COL8A1: variants seen among roughly 807,000 people sequenced by gnomAD.
COL8A1 encodes collagen alpha-1(VIII) chain.
A neutral mutation model predicts 42.7 loss-of-function variants in COL8A1; 21 were observed. The observed-to-expected ratio is 0.49, with a 90% CI of 0.35 to 0.71. The LOEUF (loss-of-function observed/expected upper bound fraction) is 0.71. Ranked by LOEUF, COL8A1 falls within the 30% of genes least tolerant of loss-of-function variation. The probability of loss-of-function intolerance (pLI) is 0.01; values close to 1 mark genes in which losing one functional copy is unlikely to be tolerated. For synonymous variants in COL8A1, 367 were observed against 369.1 expected, an observed-to-expected ratio of 0.99 and a Z score of 0.06; for missense variants, 788 against 962.4, an observed-to-expected ratio of 0.82 and a Z score of 2.40.
intron 1 of COL8A1, among the ~76,000 whole-genome samples, chr3:99,710,623 G>T (rs1018854919): frequency 6.6e-6 from 1 of 152,200 alleles, no homozygotes; most frequent in Non-Finnish European, 1.5e-5. Flanking sequence ...AGGAGGAGCA[G>T]CCAGTCTGTT....
At chr3:99,733,776 G>A (rs1285799041) in intron 1 of COL8A1, among the ~76,000 whole-genome samples, 1 of 151,514 alleles carries the variant, frequency 6.6e-6, no homozygotes, top group African/African-American at 2.4e-5. Flanking sequence ...CAGTGTAAAA[G>A]TGTTCCTATT....
intron 1 of COL8A1, among the ~76,000 whole-genome samples, chr3:99,656,514 T>G (rs1179086639): frequency 6.6e-6 from 1 of 151,952 alleles, no homozygotes; most frequent in Non-Finnish European, 1.5e-5. Context: ...AAAAAAGCTT[T>G]CCTCACAGGG....
At chr3:99,674,769 T>C (rs964767699) in intron 1 of COL8A1, among the ~76,000 whole-genome samples, 1 of 152,040 alleles carries the variant, frequency 6.6e-6, no homozygotes, top group African/African-American at 2.4e-5. Flanking sequence ...GATCATTTCT[T>C]AAGTGCATTG....
chr3:99,673,346 A>G (rs1938601206), intron 1 of COL8A1, among the ~76,000 whole-genome samples: 1 of 152,070 alleles, frequency 6.6e-6, no homozygotes, highest in Admixed American at 6.6e-5. Flanking sequence ...GATCAAGAGT[A>G]AAAGTCCTTA....
At chr3:99,720,384 A>G (rs865926218) in intron 1 of COL8A1, among the ~76,000 whole-genome samples, 14 of 152,148 alleles carry the variant, frequency 9.2e-5, no homozygotes, top group Admixed American at 2.0e-4. Flanking sequence ...ATGGAACAAA[A>G]AAGTTCCAGA....
chr3:99,684,800 G>A (rs1426072850), intron 1 of COL8A1, among the ~76,000 whole-genome samples: 1 of 152,196 alleles, frequency 6.6e-6, no homozygotes, highest in African/African-American at 2.4e-5. Flanking sequence ...GCACTGGGAA[G>A]AAGAGGCGGT....
At chr3:99,693,769 A>T (rs912395406) in intron 1 of COL8A1, among the ~76,000 whole-genome samples, 1 of 152,232 alleles carries the variant, frequency 6.6e-6, no homozygotes, top group African/African-American at 2.4e-5. Context: ...GCCAAAGTAT[A>T]CAATGTTTAT....
At chr3:99,778,483 T>C (rs530016041) in intron 2 of COL8A1, among the ~76,000 whole-genome samples, 20 of 152,328 alleles carry the variant, frequency 1.3e-4, no homozygotes, top group African/African-American at 4.3e-4. Context: ...CAGCTCAAGC[T>C]AAGCCTAAGA....
chr3:99,651,502 A>G (rs12487332), intron 1 of COL8A1, among the ~76,000 whole-genome samples: 16,854 of 152,266 alleles, frequency 0.11, 1,059 homozygotes, highest in African/African-American at 0.16. Context: ...CAGCGGAGGT[A>G]GCATGTCTTG....
chr3:99,741,746 T>C (rs1400958525), intron 1 of COL8A1, among the ~76,000 whole-genome samples: 3 of 152,144 alleles, frequency 2.0e-5, no homozygotes, highest in African/African-American at 4.8e-5. Flanking sequence ...CAAAAAACAA[T>C]GTTCCAGCAA....
intron 2 of COL8A1, among the ~76,000 whole-genome samples, chr3:99,780,649 G>T (rs570194143): frequency 6.6e-6 from 1 of 152,110 alleles, no homozygotes; most frequent in Non-Finnish European, 1.5e-5. Context: ...GTAAGTTCTG[G>T]TGCCTTATAA....
intron 1 of COL8A1, among the ~76,000 whole-genome samples, chr3:99,717,117 A>G (rs901197567): frequency 1.3e-5 from 2 of 151,990 alleles, no homozygotes; most frequent in Non-Finnish European, 2.9e-5. Context: ...GCCACTGATA[A>G]GTTAAGTGAA....
chr3:99,653,539 C>T (rs1021181315), intron 1 of COL8A1, among the ~76,000 whole-genome samples: 1 of 151,798 alleles, frequency 6.6e-6, no homozygotes, highest in African/African-American at 2.4e-5. Context: ...CTCCCTTCAC[C>T]ATGTCAATGC....
chr3:99,734,132 G>A (rs1473131587), intron 1 of COL8A1, among the ~76,000 whole-genome samples: 1 of 151,590 alleles, frequency 6.6e-6, no homozygotes, highest in Non-Finnish European at 1.5e-5. Flanking sequence ...TTCTTTTGCT[G>A]TGCAGAAGCT....
rs886525970 is a variant in COL8A1, at chr3:99,675,416, G to A, written c.-129+36752G>A. On this transcript the variant is annotated intron_variant, in intron 1 of 3. Transcript: ENST00000652472. ...TACAATATTTTGTTATTTGTTATGA[G>A]CGCCAGTGATGCAATAAAGGGAAAA... 2.6e-5 allele frequency among the ~76,000 whole-genome samples: 4 copies of A among 151,976 alleles called. No individual in the cohort carries two copies. In the South Asian group the frequency reaches 6.2e-4, roughly 24 times the overall value.
intron 1 of COL8A1, among the ~76,000 whole-genome samples, chr3:99,715,566 A>C (rs1394091606): frequency 1.3e-5 from 2 of 152,064 alleles, no homozygotes; most frequent in East Asian, 3.9e-4. Flanking sequence ...CCTGAGAAGC[A>C]GGAGGCTCTT....
chr3:99,745,493 A>G (rs562655111), intron 2 of COL8A1, among the ~76,000 whole-genome samples: 11 of 152,186 alleles, frequency 7.2e-5, no homozygotes, highest in Admixed American at 2.6e-4. Flanking sequence ...ATCATCTCTC[A>G]GTCATGTCTA....
intron 2 of COL8A1, among the ~76,000 whole-genome samples, chr3:99,778,658 G>A (rs933702553): frequency 6.6e-6 from 1 of 151,934 alleles, no homozygotes; most frequent in African/African-American, 2.4e-5. Flanking sequence ...AAGGAAGAAT[G>A]GCTATTATAT....
At chr3:99,662,742 A>G (rs1313950698) in intron 1 of COL8A1, among the ~76,000 whole-genome samples, 1 of 152,156 alleles carries the variant, frequency 6.6e-6, no homozygotes, top group Non-Finnish European at 1.5e-5. Flanking sequence ...CCATGCCTCC[A>G]CTAGCTTCTG....
Sources: gnomAD v4.1 joint callset for allele counts (sites outside exome capture counted in the v4.1 genomes callset) on GRCh38, gnomAD v4.1.1 for gene constraint, MANE v1.5 for transcripts, NCBI Gene and HGNC (gene_info 2026-07-23, HGNC 2026-07-21) for gene names.